Variants in INPP4A observed in about 807,000 individuals in gnomAD.
INPP4A encodes inositol polyphosphate-4-phosphatase type I A.
In INPP4A, 33 loss-of-function variants were observed where a neutral mutation model predicts 119.8. That is an observed-to-expected ratio of 0.28 (90% CI 0.21 to 0.37). The LOEUF (loss-of-function observed/expected upper bound fraction) is 0.37. Ranked by LOEUF, INPP4A falls within the 10% of genes least tolerant of loss-of-function variation. The pLI, the probability that INPP4A is intolerant of heterozygous loss-of-function variation, is 1.00. For synonymous variants in INPP4A, 496 were observed against 500.7 expected, an observed-to-expected ratio of 0.99 and a Z score of 0.12; for missense variants, 956 against 1,289.9, an observed-to-expected ratio of 0.74 and a Z score of 3.97.
At chr2:98,484,035 G>A (rs752437721) in intron 1 of INPP4A, among the ~76,000 whole-genome samples, 4 of 152,050 alleles carry the variant, frequency 2.6e-5, no homozygotes, top group Non-Finnish European at 5.9e-5. Flanking sequence ...ATGGAGTGAG[G>A]TCCTTTCTCT....
intron 4 of INPP4A, among the ~76,000 whole-genome samples, chr2:98,531,989 C>T (rs1001272689): frequency 2.0e-5 from 3 of 152,146 alleles, no homozygotes; most frequent in South Asian, 2.1e-4. Flanking sequence ...AAAGGAGAGA[C>T]CTGATATGGC....
intron 11 of INPP4A, among the ~76,000 whole-genome samples, chr2:98,545,154 T>C (rs1269277225): frequency 1.3e-5 from 2 of 152,204 alleles, no homozygotes; most frequent in African/African-American, 4.8e-5. Flanking sequence ...AGCAGTCTCC[T>C]ATGGCAAATT....
At chr2:98,467,216 C>CG (rs1323335246) in intron 1 of INPP4A, among the ~76,000 whole-genome samples, 1 of 152,004 alleles carries the variant, frequency 6.6e-6, no homozygotes, top group Non-Finnish European at 1.5e-5. Flanking sequence ...ACCCTCAAAG[C>CG]GGGGGGTGGT....
chr2:98,568,170 G>A (rs1343247089), intron 21 of INPP4A, among the ~76,000 whole-genome samples: 1 of 152,152 alleles, frequency 6.6e-6, no homozygotes. Context: ...CACAGAGAGT[G>A]ACTTCAGATT....
chr2:98,567,672 G>T (rs1214093465), intron 21 of INPP4A, among the ~76,000 whole-genome samples: 1 of 152,246 alleles, frequency 6.6e-6, no homozygotes, highest in Non-Finnish European at 1.5e-5. Flanking sequence ...GCAAAGGGCA[G>T]GTTCTTGACT....
rs1693765980 is a variant in INPP4A at position 98,552,768 on chromosome 2, C to T, written c.1164-18C>T. The stretch of plus-strand genomic sequence containing the variant: ...AGATTCTGGAGAATCCCTTAGAATC[C>T]ATTCTTATCCTTTCCAGTACATCAT... On this transcript the variant is annotated intron_variant, in intron 13 of 24. Coordinates refer to ENST00000409851, the MANE Select transcript of INPP4A (RefSeq NM_001134225.2). 1 of 1,592,260 alleles carries T rather than the reference C, an allele frequency of 6.3e-7. No individual in the cohort carries two copies. Among genetic ancestry groups the T allele is most frequent in the South Asian group, 1.1e-5 (1 of 90,452 alleles).
At position 98,593,797 on chromosome 2, in the gene INPP4A, C is replaced by G. The variant is rs1700498476; in HGVS notation, c.*6189C>G. ...AATTTCCATCCATGCACCCCAAGGC[C>G]TGGTCTGTATCAGTCCCCTCGGATC... On this transcript the variant is annotated 3_prime_UTR_variant, in exon 25 of 25. Coordinates refer to ENST00000409851, the MANE Select transcript of INPP4A (RefSeq NM_001134225.2). 1 of 152,460 alleles carries G rather than the reference C, an allele frequency of 6.6e-6. No homozygotes were observed. The highest frequency in any genetic ancestry group is 2.4e-5 in the African/African-American group (1 of 41,460). The allele number at this position is 152,460 out of a possible 1,614,324, so 9.4% of individuals were successfully genotyped here.
chr2:98,553,203 C>G (rs1366133402), intron 14 of INPP4A, among the ~76,000 whole-genome samples: 1 of 152,202 alleles, frequency 6.6e-6, no homozygotes, highest in Non-Finnish European at 1.5e-5. Context: ...GGTGCAGCTT[C>G]AGGCACATGT....
chr2:98,527,747 G>A (rs984124523), intron 4 of INPP4A, among the ~76,000 whole-genome samples: 1 of 152,174 alleles, frequency 6.6e-6, no homozygotes, highest in African/African-American at 2.4e-5. Flanking sequence ...TGTGATTCTG[G>A]TATTTAAGGA....
chr2:98,530,153 A>G (rs1039966737), intron 4 of INPP4A, among the ~76,000 whole-genome samples: 1 of 152,022 alleles, frequency 6.6e-6, no homozygotes, highest in Admixed American at 6.6e-5. Flanking sequence ...CTTTTTCTAG[A>G]TAAATAACAA....
At chr2:98,510,738 A>G (rs10198271) in intron 1 of INPP4A, among the ~76,000 whole-genome samples, 2,616 of 152,310 alleles carry the variant, frequency 0.017, 79 homozygotes, top group African/African-American at 0.06. Context: ...TGGGGGACAC[A>G]TTCAGACTGT....
chr2:98,472,216 G>A (rs1676177958), intron 1 of INPP4A, among the ~76,000 whole-genome samples: 1 of 152,210 alleles, frequency 6.6e-6, no homozygotes, highest in Admixed American at 6.5e-5. Context: ...AAAGTGATGA[G>A]CTTGAGTCCC....
intron 11 of INPP4A, among the ~76,000 whole-genome samples, chr2:98,545,590 G>A (rs527971680): frequency 8.5e-4 from 129 of 152,302 alleles, no homozygotes; most frequent in Non-Finnish European, 1.5e-3. Context: ...AGTCTCTGGC[G>A]TGGACCCCTT....
At chr2:98,549,606 TCATTCAGAGG>T (rs1412382829) in intron 13 of INPP4A, among the ~76,000 whole-genome samples, 6 of 152,178 alleles carry the variant, frequency 3.9e-5, no homozygotes, top group African/African-American at 1.4e-4. Context: ...CAGTGGTGCT[TCATTCAGAGG>T]CACCTGCAGC....
intron 7 of INPP4A, 81 bp downstream of exon 7, chr2:98,536,289 T>C (rs1690253922): frequency 1.3e-5 from 11 of 835,634 alleles, no homozygotes; most frequent in Non-Finnish European, 1.2e-5. Context: ...CCACTTCTTA[T>C]ACTGAGAGAG....
intron 1 of INPP4A, among the ~76,000 whole-genome samples, chr2:98,466,190 C>T (rs1242697284): frequency 6.6e-6 from 1 of 152,172 alleles, no homozygotes; most frequent in East Asian, 1.9e-4. Context: ...GGACTACAGG[C>T]GTACGCCACC....
intron 23 of INPP4A, among the ~76,000 whole-genome samples, chr2:98,575,153 G>C (rs1449542813): frequency 6.6e-6 from 1 of 152,236 alleles, no homozygotes; most frequent in Non-Finnish European, 1.5e-5. Context: ...GTCCCTGGCT[G>C]AATAGCTGGA....
intron 16 of INPP4A, among the ~76,000 whole-genome samples, chr2:98,559,117 A>G (rs753488679): frequency 1.6e-4 from 24 of 152,224 alleles, no homozygotes; most frequent in Non-Finnish European, 3.2e-4. Flanking sequence ...CTCTGCCACT[A>G]CAATGTGATT....
intron 16 of INPP4A, among the ~76,000 whole-genome samples, chr2:98,558,830 G>A (rs1006458645): frequency 6.6e-6 from 1 of 152,224 alleles, no homozygotes; most frequent in African/African-American, 2.4e-5. Flanking sequence ...GGAATCAAAA[G>A]TGGTATTCTT....
Sources: gnomAD v4.1 joint callset for allele counts (sites outside exome capture counted in the v4.1 genomes callset) on GRCh38, gnomAD v4.1.1 for gene constraint, MANE v1.5 for transcripts, NCBI Gene and HGNC (gene_info 2026-07-23, HGNC 2026-07-21) for gene names.